BAHD1: variants seen among roughly 807,000 people sequenced by gnomAD.
BAHD1 encodes bromo adjacent homology domain containing 1.
BAHD1 carries 20 observed loss-of-function variants against 63.1 expected under a neutral mutation model. That is an observed-to-expected ratio of 0.32 (90% confidence interval 0.22 to 0.46). The LOEUF (loss-of-function observed/expected upper bound fraction) is 0.46, where lower values mean the gene tolerates loss of function less well. BAHD1 is among the 20% of genes least tolerant of loss of function. The pLI, the probability that BAHD1 is intolerant of heterozygous loss-of-function variation, is 1.00. For missense variants in BAHD1, 939 were observed against 1,071.8 expected (o/e 0.88, Z 1.73); for synonymous variants, 408 against 426.8 (o/e 0.96, Z 0.54).
At chr15:40,461,256 G>C (rs1197459092) in intron 2 of BAHD1, among the ~76,000 whole-genome samples, 1 of 152,206 alleles carries the variant, frequency 6.6e-6, no homozygotes, top group East Asian at 1.9e-4. Flanking sequence ...GGGGCAGAGT[G>C]ACTTGCCTGA....
chr15:40,465,557 G>A, intron 6 of BAHD1, 122 bp downstream of exon 6: 2 of 769,176 alleles, frequency 2.6e-6, no homozygotes, highest in South Asian at 3.3e-5. Context: ...TACTCACTGA[G>A]CCTAATCTCC....
At position 40,458,912 on chromosome 15, in the gene BAHD1, G is replaced by T. The variant is rs550012338; in HGVS notation, c.448G>T (p.Asp150Tyr). 1.9e-5 allele frequency: 31 copies of T among 1,598,218 alleles called. No individual in the cohort carries two copies. In the East Asian group the frequency reaches 6.7e-4, roughly 35 times the overall value. ...LAGTRRSRAG[D>Y]PHRSRDRDRA... ...AGGCACCCGCCGCAGTCGAGCAGGGGATCCCCACCGCAGCCGTGACCGTGA... is the reference window on the plus strand; with the variant it reads ...AGGCACCCGCCGCAGTCGAGCAGGGTATCCCCACCGCAGCCGTGACCGTGA... Residue 150 changes from aspartate (D) to tyrosine (Y), a missense_variant, in exon 2 of 7, where the codon GAT becomes TAT. This residue lies in a region of BAHD1 where 797 missense variants were observed against 813.3 expected (regional missense o/e 0.98). Coordinates refer to ENST00000416165, the MANE Select transcript of BAHD1 (RefSeq NM_014952.5). This position sits in a 1 kb window ranked among gnomAD's most constrained non-coding sequence, Gnocchi z 4.7.
chr15:40,454,731 A>AG (rs1163449765), intron 1 of BAHD1: 2 of 152,246 alleles, frequency 1.3e-5, no homozygotes, highest in African/African-American at 2.4e-5. Context: ...CTTCCCAGAG[A>AG]GGAGGGGATA....
At chr15:40,452,299 A>G (rs1245050485) in intron 1 of BAHD1, among the ~76,000 whole-genome samples, 1 of 152,190 alleles carries the variant, frequency 6.6e-6, no homozygotes, top group East Asian at 1.9e-4. Context: ...CTTTGAGGAC[A>G]GTGCTCCTTG....
At chr15:40,462,624 G>A (rs748939095) in intron 3 of BAHD1, among the ~76,000 whole-genome samples, 1 of 152,114 alleles carries the variant, frequency 6.6e-6, no homozygotes, top group Non-Finnish European at 1.5e-5. Flanking sequence ...TTTCAATGGA[G>A]AACTTTTCTG....
In BAHD1 at chr15:40,466,231, A is replaced by G; in HGVS notation, c.*101A>G. The G allele has an allele frequency of 1.7e-6, 2 of 1,167,378 alleles. No homozygotes were observed. Among genetic ancestry groups the G allele is most frequent in the Non-Finnish European group, 2.4e-6 (2 of 841,072 alleles). 72.3% of individuals were successfully genotyped at this position (1,167,378 alleles called of 1,614,324 possible). On this transcript the variant is annotated 3_prime_UTR_variant, in exon 7 of 7. Transcript: ENST00000416165. ...CTTGGTTAGGGGGCCACAGAGGCCTAAGTTTGCTGGCCTGTGGTTTTCTTG... is the reference window on the plus strand; with the variant it reads ...CTTGGTTAGGGGGCCACAGAGGCCTGAGTTTGCTGGCCTGTGGTTTTCTTG...
chr15:40,440,869 T>G (rs1210414305), upstream of BAHD1, among the ~76,000 whole-genome samples: 1 of 152,024 alleles, frequency 6.6e-6, no homozygotes, highest in African/African-American at 2.4e-5. Flanking sequence ...GGCGGCTGAT[T>G]GGCGGAGCTG....
At chr15:40,461,305 C>G (rs1894031558) in intron 2 of BAHD1, among the ~76,000 whole-genome samples, 1 of 152,126 alleles carries the variant, frequency 6.6e-6, no homozygotes, top group Non-Finnish European at 1.5e-5. Context: ...CAGGCTGATT[C>G]TAGAACCCCT....
At position 40,459,697 on chromosome 15, in the gene BAHD1, C is replaced by G. The variant is rs745435563; in HGVS notation, c.1233C>G (p.His411Gln). 2.5e-6 allele frequency: 4 copies of G among 1,613,952 alleles called. No individual in the cohort carries two copies. In the Admixed American group the frequency reaches 6.7e-5, roughly 27 times the overall value. Residue 411 changes from histidine (H) to glutamine (Q), a missense_variant, in exon 2 of 7, where the codon CAC becomes CAG. Physicochemically the swap from His to Gln is conservative, Grantham distance 24. Coordinates refer to ENST00000416165, the MANE Select transcript of BAHD1 (RefSeq NM_014952.5). Reference protein sequence around the residue: ...EGKLSPVAAPHEEGLLLAPSS... With the variant: ...EGKLSPVAAPQEEGLLLAPSS... ...AGCTGTCCCCAGTGGCTGCACCTCA[C>G]GAGGAGGGGCTCCTCTTAGCTCCGA...
At chr15:40,439,726 C>T (rs571237645), upstream of BAHD1, 1 of 152,330 alleles carries the variant, frequency 6.6e-6, no homozygotes, top group Non-Finnish European at 1.5e-5. Flanking sequence ...CAGCATTTCT[C>T]GAGAACCTAC....
chr15:40,453,010 A>G (rs1029867292), intron 1 of BAHD1, among the ~76,000 whole-genome samples: 1 of 152,122 alleles, frequency 6.6e-6, no homozygotes, highest in Non-Finnish European at 1.5e-5. Flanking sequence ...CAGATTTCTC[A>G]CTGGGGTAGG....
At chr15:40,454,806 C>G (rs539012008) in intron 1 of BAHD1, among the ~76,000 whole-genome samples, 1 of 152,162 alleles carries the variant, frequency 6.6e-6, no homozygotes, top group African/African-American at 2.4e-5. Flanking sequence ...GTGGATAGTG[C>G]GTAATTGGGA....
rs113071215 is a variant in BAHD1 at position 40,463,539 on chromosome 15, A to C, written c.1816-322A>C. 1.3e-3 allele frequency among the ~76,000 whole-genome samples: 191 copies of C among 152,354 alleles called. 1 individual carries two copies. Among genetic ancestry groups the C allele is most frequent in the African/African-American group, 4.4e-3 (185 of 41,596 alleles). ...CCTTATAACAGTGGTTTAAGGGTTC[A>C]GACCGAGACTTGTTCCATTAGGAAG... is the stretch of plus-strand genomic sequence containing the variant. On this transcript the variant is annotated intron_variant, in intron 3 of 6. Transcript: ENST00000416165.
chr15:40,446,540 T>C (rs932756069), intron 1 of BAHD1, among the ~76,000 whole-genome samples: 8 of 152,180 alleles, frequency 5.3e-5, no homozygotes, highest in Non-Finnish European at 1.0e-4. Flanking sequence ...AAAAATAACA[T>C]TGTCTTTTAA....
intron 5 of BAHD1, 186 bp from the exon 6 acceptor site, chr15:40,465,149 A>T: frequency 1.7e-6 from 1 of 601,880 alleles, no homozygotes; most frequent in South Asian, 1.9e-5. Context: ...GAAGGGGGGG[A>T]CCTAGAAGGG....
chr15:40,437,701 C>CT (rs1893302594), upstream of BAHD1, among the ~76,000 whole-genome samples: 1 of 152,234 alleles, frequency 6.6e-6, no homozygotes, highest in Non-Finnish European at 1.5e-5. Flanking sequence ...AAAGTGGTCA[C>CT]TGCCACCACT....
chr15:40,462,219 T>TCGCCGCCGC lies in BAHD1; in HGVS notation c.1743_1751dup (p.Arg585_Arg587dup). ...AGCCACGTGTCCAGCGCCCACGCCCTCGCCGCCGCCGTCGCCGCCGCACTA... is the reference window on the plus strand; with the variant it reads ...AGCCACGTGTCCAGCGCCCACGCCCTCGCCGCCGCCGCCGCCGCCGTCGCCGCCGCACTA... On this transcript the variant is annotated inframe_insertion, in exon 3 of 7. Coordinates refer to ENST00000416165, the MANE Select transcript of BAHD1 (RefSeq NM_014952.5). The TCGCCGCCGC allele has an allele frequency of 6.2e-7, 1 of 1,611,576 alleles. No homozygotes were observed. Among genetic ancestry groups the TCGCCGCCGC allele is most frequent in the Non-Finnish European group, 8.5e-7 (1 of 1,179,164 alleles).
chr15:40,459,744 C>T lies in BAHD1; in HGVS notation c.1280C>T (p.Pro427Leu), dbSNP rs935171387. 1 of 1,614,004 alleles carries T rather than the reference C, an allele frequency of 6.2e-7. No homozygotes were observed. Among genetic ancestry groups the T allele is most frequent in the Non-Finnish European group, 8.5e-7 (1 of 1,180,016 alleles). Residue 427 changes from proline to leucine, a missense_variant, in exon 2 of 7, where the codon CCT becomes CTT. Coordinates refer to ENST00000416165, the MANE Select transcript of BAHD1 (RefSeq NM_014952.5). ...CCGAGCTCAGTGCCCTCAGGCACCC[C>T]TTTCCAGCACCCTCCCTGGGGCTCC... ...LAPSSVPSGTPFQHPPWGSSR... is the reference protein window; with the variant it reads ...LAPSSVPSGTLFQHPPWGSSR...
chr15:40,460,668 G>C (rs368017062), intron 2 of BAHD1, among the ~76,000 whole-genome samples: 1 of 152,170 alleles, frequency 6.6e-6, no homozygotes, highest in African/African-American at 2.4e-5. Context: ...ATCCTCACCT[G>C]CCTCTTCAGG....
Sources: gnomAD v4.1 joint callset for allele counts (sites outside exome capture counted in the v4.1 genomes callset) on GRCh38, gnomAD v4.1.1 for gene constraint, gnomAD v4.1.1 regional missense constraint, Gnocchi (gnomAD v3.1) non-coding constraint, MANE v1.5 for transcripts, NCBI Gene and HGNC (gene_info 2026-07-23, HGNC 2026-07-21) for gene names.